HIPK1: variants seen among roughly 807,000 people sequenced by gnomAD.
The protein encoded by HIPK1 is homeodomain-interacting protein kinase 1.
In HIPK1, 28 loss-of-function variants were observed where a neutral mutation model predicts 117.1. That is an observed-to-expected ratio of 0.24 (90% CI 0.18 to 0.33). The LOEUF is 0.33. Ranked by LOEUF, HIPK1 falls within the 10% of genes least tolerant of loss-of-function variation. The pLI, the probability that HIPK1 is intolerant of heterozygous loss-of-function variation, is 1.00. For synonymous variants in HIPK1, 605 were observed against 562.5 expected (o/e 1.08, Z -1.07); for missense variants, 1,122 against 1,475.1 (o/e 0.76, Z 3.92).
At chr1:113,954,607 C>T (rs1295772669) in intron 3 of HIPK1, 44 bp from the exon 4 acceptor site, 1 of 1,603,860 alleles carries the variant, frequency 6.2e-7, no homozygotes, top group African/African-American at 1.3e-5. Flanking sequence ...TTAATAATTT[C>T]CCTTTTCACT....
At chr1:113,966,083 C>A in intron 10 of HIPK1, 47 bp from the exon 11 acceptor site, 1 of 1,561,280 alleles carries the variant, frequency 6.4e-7, no homozygotes. Context: ...AAGAAAAAGC[C>A]AAGAATGAAT....
Position 113,941,524 on chromosome 1 carries a change from C to T in HIPK1, c.1076+65C>T. 2.5e-6 allele frequency: 3 copies of T among 1,214,696 alleles called. No homozygotes were observed. Among genetic ancestry groups the T allele is most frequent in the South Asian group, 2.8e-5 (2 of 72,068 alleles). The allele number at this position is 1,214,696 out of a possible 1,614,324, so 75.2% of individuals were successfully genotyped here. A position where few individuals can be genotyped will look rare whatever the true frequency, so the allele number is the denominator to read the frequency against. On this transcript the variant is annotated intron_variant, in intron 2 of 15. Coordinates refer to ENST00000426820, the MANE Select transcript of HIPK1 (RefSeq NM_198268.3). The surrounding 1 kb of genome is among the most constrained non-coding windows in gnomAD (Gnocchi z 4.9). ...TTCTGTCCTTATATTTAACATATACCCCGTAGGCTACATATAGCAATGAAT... is the reference window on the plus strand; with the variant it reads ...TTCTGTCCTTATATTTAACATATACTCCGTAGGCTACATATAGCAATGAAT...
chr1:113,958,007 A>G, intron 7 of HIPK1, 59 bp from the exon 8 acceptor site: 2 of 1,224,482 alleles, frequency 1.6e-6, no homozygotes, highest in South Asian at 1.2e-5. Flanking sequence ...CTGTATATAT[A>G]AAATTATTGT....
chr1:113,938,750 A>T (rs1189241756), intron 1 of HIPK1, among the ~76,000 whole-genome samples: 1 of 152,022 alleles, frequency 6.6e-6, no homozygotes, highest in Non-Finnish European at 1.5e-5. Context: ...TCTACTAAAA[A>T]TACAAAAAAA....
At chr1:113,963,335 A>G in intron 9 of HIPK1, 52 bp from the exon 10 acceptor site, 1 of 1,600,612 alleles carries the variant, frequency 6.2e-7, no homozygotes, top group Non-Finnish European at 8.5e-7. Flanking sequence ...TTCTGAATCC[A>G]GATATCCTGC....
rs1377412462 is a variant in HIPK1 at position 113,954,654 on chromosome 1, C to T, written c.1204C>T (p.Arg402Cys). ...TTTGATGGTTTTGATGTTTCAGATT[C>T]GTTATATTTCACAAACACAAGGCTT... ...YPGASEYDQI[R>C]YISQTQGLPA... is the part of the protein sequence containing the mutation. Residue 402 changes from arginine to cysteine, a missense_variant, in exon 4 of 16, where the codon CGT (arginine) becomes TGT (cysteine). By Grantham distance (180) the Arg-to-Cys change is radical. Coordinates refer to ENST00000426820, the MANE Select transcript of HIPK1 (RefSeq NM_198268.3). The T allele has an allele frequency of 1.2e-5, 19 of 1,613,344 alleles. No homozygotes were observed. The highest frequency in any genetic ancestry group is 2.2e-5 in the East Asian group (1 of 44,878).
chr1:113,938,826 C>A (rs1410753114), intron 1 of HIPK1, among the ~76,000 whole-genome samples: 2 of 150,868 alleles, frequency 1.3e-5, no homozygotes, highest in Non-Finnish European at 2.9e-5. Context: ...AGGAGAATTG[C>A]TTGAGCCCCA....
In HIPK1 at chr1:113,940,426, T is replaced by C. The variant is rs1343838245; in HGVS notation, c.43T>C (p.Ser15Pro). ...AGTGTTTTCGCCCCCATCAGTGTCG[T>C]CGAGTGCCTTCTGCAGTGCGAAGAA... ...LQVFSPPSVS[S>P]SAFCSAKKLK... Residue 15 changes from serine (S) to proline (P), a missense_variant, in exon 2 of 16, where the codon TCG becomes CCG. By Grantham distance (74) the Ser-to-Pro change is moderately conservative (BLOSUM62 -1). Coordinates refer to ENST00000426820, the MANE Select transcript of HIPK1 (RefSeq NM_198268.3). 3 of 1,613,530 alleles carry C rather than the reference T, an allele frequency of 1.9e-6. No homozygotes were observed. Among genetic ancestry groups the C allele is most frequent in the Non-Finnish European group, 2.5e-6 (3 of 1,179,668 alleles).
At chr1:113,938,758 A>G (rs980479330) in intron 1 of HIPK1, among the ~76,000 whole-genome samples, 3 of 151,832 alleles carry the variant, frequency 2.0e-5, no homozygotes, top group African/African-American at 7.3e-5. Flanking sequence ...AAATACAAAA[A>G]AATTAACTGG....
At position 113,974,511 on chromosome 1, in the gene HIPK1, C is replaced by G. The variant is rs1673040266; in HGVS notation, c.*999C>G. 1.3e-5 allele frequency: 2 copies of G among 152,616 alleles called. No individual in the cohort carries two copies. Among genetic ancestry groups the G allele is most frequent in the African/African-American group, 4.8e-5 (2 of 41,402 alleles). The allele number at this position is 152,616 out of a possible 1,614,324, so 9.5% of individuals were successfully genotyped here. A position where few individuals can be genotyped will look rare whatever the true frequency, so the allele number is the denominator to read the frequency against. Reference sequence around the variant, plus strand: ...AGTAATACACCTCTGTTTTGCTCATCTCTCCCTTCTGTTTTATGTGATTTG... The same window carrying G: ...AGTAATACACCTCTGTTTTGCTCATGTCTCCCTTCTGTTTTATGTGATTTG... On this transcript the variant is annotated 3_prime_UTR_variant, in exon 16 of 16. Coordinates refer to ENST00000426820, the MANE Select transcript of HIPK1 (RefSeq NM_198268.3).
intron 10 of HIPK1, 105 bp downstream of exon 10, chr1:113,963,626 C>A: frequency 1.4e-6 from 2 of 1,425,490 alleles, no homozygotes; most frequent in East Asian, 2.3e-5. Flanking sequence ...GTTTATTTTT[C>A]AAAAAAATTT....
intron 2 of HIPK1, among the ~76,000 whole-genome samples, chr1:113,947,059 C>T (rs1441325264): frequency 6.6e-6 from 1 of 152,190 alleles, no homozygotes. Flanking sequence ...GACTCCAAAG[C>T]TAGTCCTTCT....
At chr1:113,938,129 C>CT (rs565973812) in intron 1 of HIPK1, among the ~76,000 whole-genome samples, 4,521 of 131,270 alleles carry the variant, frequency 0.034, 90 homozygotes, top group Middle Eastern at 0.044. Context: ...TTACACTTGG[C>CT]TTTTTTTTTT....
chr1:113,929,654 G>GGCCCGGCGGTA (rs1553264356), intron 1 of HIPK1, 122 bp downstream of exon 1: 2 of 972,920 alleles, frequency 2.1e-6, no homozygotes, highest in Non-Finnish European at 2.7e-6. Flanking sequence ...CGGAGCAAGG[G>GGCCCGGCGGTA]GCCCGGCGGT....
At chr1:113,946,908 T>C (rs949198836) in intron 2 of HIPK1, among the ~76,000 whole-genome samples, 5 of 152,174 alleles carry the variant, frequency 3.3e-5, no homozygotes, top group Non-Finnish European at 7.4e-5. Flanking sequence ...AGGCATTCCT[T>C]CTTTATCACT....
Position 113,966,127 on chromosome 1 carries a change from C to T in HIPK1, c.2239-3C>T. The T allele has an allele frequency of 1.9e-6, 3 of 1,612,440 alleles. No homozygotes were observed. Among genetic ancestry groups the T allele is most frequent in the South Asian group, 1.1e-5 (1 of 90,726 alleles). Reference sequence around the variant, plus strand: ...GATGTTTTTTATGTGTGTTTCCTTACAGCAGGCGTGGCCTGGAGGGACTCA... The same window carrying T: ...GATGTTTTTTATGTGTGTTTCCTTATAGCAGGCGTGGCCTGGAGGGACTCA... On this transcript the variant is annotated splice_region_variant and splice_polypyrimidine_tract_variant and intron_variant, in intron 10 of 15. Transcript: ENST00000426820.
At chr1:113,929,843 G>A in intron 1 of HIPK1, 2 of 987,910 alleles carry the variant, frequency 2.0e-6, no homozygotes, top group Non-Finnish European at 2.4e-6. Flanking sequence ...CTCGCGCGGG[G>A]GGTATGATGA....
Position 113,929,457 on chromosome 1 carries a change from G to T in HIPK1, c.-78G>T. On this transcript the variant is annotated 5_prime_UTR_variant, in exon 1 of 16. Transcript: ENST00000426820. The stretch of plus-strand genomic sequence containing the variant: ...GCTCCCTACGGAGGCCCACCTACTC[G>T]AGGCCCACCGACTCCTACTGCAATC... 1.6e-6 allele frequency: 2 copies of T among 1,289,396 alleles called. No homozygotes were observed. The highest frequency in any genetic ancestry group is 2.0e-6 in the Non-Finnish European group (2 of 988,868). The allele number at this position is 1,289,396 out of a possible 1,614,324, so 79.9% of individuals were successfully genotyped here. A position where few individuals can be genotyped will look rare whatever the true frequency, so the allele number is the denominator to read the frequency against.
In HIPK1 at chr1:113,968,696, C is replaced by A. The variant is rs376512616; in HGVS notation, c.2771+48C>A. 38 of 1,522,300 alleles carry A rather than the reference C, an allele frequency of 2.5e-5. No individual in the cohort carries two copies. The African/African-American group carries it at 4.6e-4, about 19-fold the overall frequency. The allele number at this position is 1,522,300 out of a possible 1,614,324, so 94.3% of individuals were successfully genotyped here. ...GGCTCTATTGGTTTTAGACTGTTGG[C>A]CTCAGGCAAGTGGGCCCAGTTTGGC... On this transcript the variant is annotated intron_variant, in intron 13 of 15. Coordinates refer to ENST00000426820, the MANE Select transcript of HIPK1 (RefSeq NM_198268.3).
Sources: gnomAD v4.1 joint callset for allele counts (sites outside exome capture counted in the v4.1 genomes callset) on GRCh38, gnomAD v4.1.1 for gene constraint, Gnocchi (gnomAD v3.1) non-coding constraint, MANE v1.5 for transcripts, NCBI Gene and HGNC (gene_info 2026-07-23, HGNC 2026-07-21) for gene names.